ZPBP2: variants seen among roughly 807,000 people sequenced by gnomAD.
ZPBP2 encodes zona pellucida-binding protein 2.
In ZPBP2, 34 loss-of-function variants were observed where a neutral mutation model predicts 37.5. The observed-to-expected ratio is 0.91, with a 90% CI of 0.69 to 1.21. The LOEUF is 1.21. Among genes scored for constraint, ZPBP2 ranks in the 50% most tolerant of loss-of-function variants. The probability of loss-of-function intolerance (pLI) is 0.00; values close to 1 mark genes in which losing one functional copy is unlikely to be tolerated. For synonymous variants in ZPBP2, 143 were observed against 138.4 expected, an observed-to-expected ratio of 1.03 and a Z score of -0.23; for missense variants, 397 against 413.5, an observed-to-expected ratio of 0.96 and a Z score of 0.35.
Position 39,875,338 on chromosome 17 carries a change from T to G in ZPBP2, c.793T>G (p.Phe265Val). Residue 265 changes from phenylalanine (F) to valine (V), a missense_variant, in exon 7 of 8, where the codon TTT becomes GTT. Coordinates refer to ENST00000348931, the MANE Select transcript of ZPBP2 (RefSeq NM_199321.3). ...TAATAAAACTCTACCAGCAATGCAT[T>G]TTGTGGACCACAGTTTGCAAGTAGT... ...NFNKTLPAMH[F>V]VDHSLQVVRL... The G allele has an allele frequency of 6.2e-7, 1 of 1,614,100 alleles. No individual in the cohort carries two copies. The highest frequency in any genetic ancestry group is 8.5e-7 in the Non-Finnish European group (1 of 1,180,004).
At chr17:39,870,355 T>C (rs2063358875) in intron 2 of ZPBP2, among the ~76,000 whole-genome samples, 1 of 152,238 alleles carries the variant, frequency 6.6e-6, no homozygotes, top group Non-Finnish European at 1.5e-5. Context: ...TTTCTGAACT[T>C]TTAATTGCTT....
chr17:39,869,156 A>G (rs941885262), intron 2 of ZPBP2, among the ~76,000 whole-genome samples: 2 of 152,168 alleles, frequency 1.3e-5, no homozygotes, highest in Non-Finnish European at 2.9e-5. Flanking sequence ...ACCAAATTGT[A>G]GGACGTTGTC....
Position 39,871,615 on chromosome 17 carries a change from T to C in ZPBP2, c.396T>C (p.Phe132=), listed in dbSNP as rs1421938487. The change falls in exon 4 of 8, where the codon TTT becomes TTC. Residue 132 remains phenylalanine (F), a synonymous_variant. Transcript: ENST00000348931. ...AAACAGTCAAAAAGAGATATGACTTTATGGTCTTTGGTAAGAATTTAGGCA... is the reference window on the plus strand; with the variant it reads ...AAACAGTCAAAAAGAGATATGACTTCATGGTCTTTGGTAAGAATTTAGGCA... ...EEKTVKKRYD[F]MVFAYREPDY... 6 of 1,565,508 alleles carry C rather than the reference T, an allele frequency of 3.8e-6. No individual in the cohort carries two copies. The highest frequency in any genetic ancestry group is 5.2e-6 in the Non-Finnish European group (6 of 1,160,664).
At position 39,877,131 on chromosome 17, in the gene ZPBP2, ATTG is replaced by A. The variant is rs1352268468; in HGVS notation, c.*324_*326del. The A allele has an allele frequency of 5.4e-6, 1 of 184,194 alleles. No individual in the cohort carries two copies. Among genetic ancestry groups the A allele is most frequent in the African/African-American group, 2.3e-5 (1 of 42,692 alleles). The allele number at this position is 184,194 out of a possible 1,614,324, so 11.4% of individuals were successfully genotyped here. On this transcript the variant is annotated 3_prime_UTR_variant, in exon 8 of 8. Coordinates refer to ENST00000348931, the MANE Select transcript of ZPBP2 (RefSeq NM_199321.3). ...AGTATCAAAGTATAATAAAATAAAA[ATTG>A]TATACTCTCCATATATTTATTTGTT...
chr17:39,876,762 A>G lies in ZPBP2; in HGVS notation c.970A>G (p.Lys324Glu). The change falls in exon 8 of 8, where the codon AAA becomes GAA. Residue 324 changes from lysine (K) to glutamate (E), a missense_variant. Coordinates refer to ENST00000348931, the MANE Select transcript of ZPBP2 (RefSeq NM_199321.3). ...TCVSVLTYGA[K>E]SCPQTSNKNQ... ...CGTTTCCGTCCTTACCTATGGAGCT[A>G]AATCTTGCCCACAAACTTCAAACAA... The G allele has an allele frequency of 6.2e-7, 1 of 1,613,966 alleles. No individual in the cohort carries two copies. The highest frequency in any genetic ancestry group is 8.5e-7 in the Non-Finnish European group (1 of 1,179,926).
At chr17:39,872,040 A>G (rs958041278) in intron 4 of ZPBP2, among the ~76,000 whole-genome samples, 1 of 152,144 alleles carries the variant, frequency 6.6e-6, no homozygotes, top group African/African-American at 2.4e-5. Context: ...CACAGAAGCC[A>G]TTTCTCTTGT....
intron 2 of ZPBP2, among the ~76,000 whole-genome samples, chr17:39,869,893 T>G (rs2063355312): frequency 6.6e-6 from 1 of 151,368 alleles, no homozygotes; most frequent in South Asian, 2.1e-4. Context: ...TTTTGTATTT[T>G]TAGTAGAGAT....
Position 39,871,604 on chromosome 17 carries a change from A to T in ZPBP2, c.385A>T (p.Arg129Ter). The T allele has an allele frequency of 6.3e-7, 1 of 1,582,156 alleles. No homozygotes were observed. The highest frequency in any genetic ancestry group is 8.6e-7 in the Non-Finnish European group (1 of 1,167,894). ...ETQEEKTVKK[R>*]YDFMVFAYRE... Reference sequence around the variant, plus strand: ...TCAAGAAGAAAAAACAGTCAAAAAGAGATATGACTTTATGGTCTTTGGTAA... The same window carrying T: ...TCAAGAAGAAAAAACAGTCAAAAAGTGATATGACTTTATGGTCTTTGGTAA... Residue 129 changes from arginine (R) to a stop codon, truncating the protein, a stop_gained, in exon 4 of 8, where the codon AGA becomes TGA. Transcript: ENST00000348931. LOFTEE classifies it high-confidence loss of function.
chr17:39,875,186 G>C, intron 6 of ZPBP2, 68 bp from the exon 7 acceptor site: 1 of 1,392,074 alleles, frequency 7.2e-7, no homozygotes, highest in Non-Finnish European at 9.9e-7. Flanking sequence ...TATTGCCTGT[G>C]ATACTGGAGG....
chr17:39,869,023 C>G (rs543760083), intron 2 of ZPBP2, among the ~76,000 whole-genome samples: 14 of 152,288 alleles, frequency 9.2e-5, no homozygotes, highest in African/African-American at 3.4e-4. Flanking sequence ...TGTCCTTTAT[C>G]TCTGCAGTGA....
At position 39,875,491 on chromosome 17, in the gene ZPBP2, A is replaced by G. The variant is rs1204634182; in HGVS notation, c.889+57A>G. 4 of 1,282,426 alleles carry G rather than the reference A, an allele frequency of 3.1e-6. No individual in the cohort carries two copies. The Admixed American group carries it at 1.1e-4, about 36-fold the overall frequency. 79.4% of individuals were successfully genotyped at this position (1,282,426 alleles called of 1,614,324 possible). ...AGGTTATAGAGTCAGAAGAATATAT[A>G]AGTAATTCACTTGGCATAACTGAAT... On this transcript the variant is annotated intron_variant, in intron 7 of 7. Transcript: ENST00000348931.
In ZPBP2 at chr17:39,869,971, C is replaced by T. The variant is rs1598261727; in HGVS notation, c.119-723C>T. ...CTAGGTGACCCACCCACCTTGGCCT[C>T]CCAAAGTGCTGGGATTACAGGCATG... On this transcript the variant is annotated intron_variant, in intron 2 of 7. Transcript: ENST00000348931. Among the ~76,000 whole-genome samples the T allele has an allele frequency of 2.6e-5, 4 of 152,136 alleles. No individual in the cohort carries two copies. The South Asian group carries it at 6.2e-4, about 24-fold the overall frequency.
chr17:39,873,797 C>CA (rs1296267718), intron 6 of ZPBP2, among the ~76,000 whole-genome samples: 1 of 152,068 alleles, frequency 6.6e-6, no homozygotes, highest in Non-Finnish European at 1.5e-5. Flanking sequence ...CTACCATCCT[C>CA]AGAGGCAAAG....
chr17:39,874,740 A>G (rs554687968), intron 6 of ZPBP2, among the ~76,000 whole-genome samples: 3 of 146,832 alleles, frequency 2.0e-5, no homozygotes, highest in African/African-American at 7.6e-5. Flanking sequence ...GCCTAATCTT[A>G]ATTTTAATTT....
chr17:39,868,463 C>T (rs2144637152), intron 1 of ZPBP2, 57 bp downstream of exon 1: 2 of 1,612,422 alleles, frequency 1.2e-6, no homozygotes, highest in South Asian at 1.1e-5. Context: ...CTTCCCGGTC[C>T]TGCCTCCTTC....
Position 39,877,724 on chromosome 17 carries a change from G to A in ZPBP2, c.*915G>A, listed in dbSNP as rs908053688. The A allele has an allele frequency of 1.3e-5, 2 of 152,112 alleles. No homozygotes were observed. The highest frequency in any genetic ancestry group is 4.1e-4 in the South Asian group (2 of 4,832). 9.4% of individuals were successfully genotyped at this position (152,112 alleles called of 1,614,324 possible). On this transcript the variant is annotated 3_prime_UTR_variant, in exon 8 of 8. Transcript: ENST00000348931. ...TTTTTAGACTGGCTTCTTTCACTTA[G>A]CAATATGCATTTAAGGTTCCTCCAT...
Position 39,877,442 on chromosome 17 carries a change from T to C in ZPBP2, c.*633T>C, listed in dbSNP as rs1337789388. The stretch of plus-strand genomic sequence containing the variant: ...GTTACAAATGATGAACCAATATTAA[T>C]TTATTATTAATTATAGCCCATAGTT... On this transcript the variant is annotated 3_prime_UTR_variant, in exon 8 of 8. Transcript: ENST00000348931. 6.6e-6 allele frequency: 1 copy of C among 152,188 alleles called. No individual in the cohort carries two copies. Among genetic ancestry groups the C allele is most frequent in the Non-Finnish European group, 1.5e-5 (1 of 68,026 alleles). The allele number at this position is 152,188 out of a possible 1,614,324, so 9.4% of individuals were successfully genotyped here.
intron 7 of ZPBP2, 61 bp downstream of exon 7, chr17:39,875,495 A>G: frequency 8.1e-7 from 1 of 1,227,740 alleles, no homozygotes; most frequent in Non-Finnish European, 1.1e-6. Flanking sequence ...ATATATAAGT[A>G]ATTCACTTGG....
At chr17:39,875,127 A>G (rs991528975) in intron 6 of ZPBP2, 127 bp from the exon 7 acceptor site, 6 of 831,250 alleles carry the variant, frequency 7.2e-6, no homozygotes, top group Non-Finnish European at 9.3e-6. Context: ...GTTAACACAC[A>G]CCTTTTCAGG....
Sources: gnomAD v4.1 joint callset for allele counts (sites outside exome capture counted in the v4.1 genomes callset) on GRCh38, gnomAD v4.1.1 for gene constraint, MANE v1.5 for transcripts, NCBI Gene and HGNC (gene_info 2026-07-23, HGNC 2026-07-21) for gene names.